The following YTHDC2 variants were observed in gnomAD, a reference collection of about 807,000 sequenced individuals.
YTHDC2 encodes 3'-5' RNA helicase YTHDC2.
YTHDC2 carries 45 observed loss-of-function variants against 174.9 expected under a neutral mutation model. The observed-to-expected ratio is 0.26, with a 90% CI of 0.20 to 0.33. YTHDC2 has a LOEUF of 0.33. Ranked by LOEUF, YTHDC2 falls within the 10% of genes least tolerant of loss-of-function variation. The probability of loss-of-function intolerance (pLI) is 1.00; values close to 1 mark genes in which losing one functional copy is unlikely to be tolerated. For synonymous variants in YTHDC2, 657 were observed against 574.5 expected, an observed-to-expected ratio of 1.14 and a Z score of -2.05; for missense variants, 1,650 against 1,723.7, an observed-to-expected ratio of 0.96 and a Z score of 0.76.
chr5:113,549,738 T>C (rs11747087), intron 12 of YTHDC2, among the ~76,000 whole-genome samples: 2,849 of 152,122 alleles, frequency 0.019, 39 homozygotes, highest in Non-Finnish European at 0.03. Flanking sequence ...TATTCTTTTT[T>C]TCTCCAGAAG....
intron 10 of YTHDC2, among the ~76,000 whole-genome samples, chr5:113,544,473 A>G (rs1427133167): frequency 6.6e-6 from 1 of 152,162 alleles, no homozygotes; most frequent in Non-Finnish European, 1.5e-5. Flanking sequence ...ACTTTTAAGC[A>G]TCTTTACCAC....
At chr5:113,567,524 T>G in intron 22 of YTHDC2, 130 bp from the exon 23 acceptor site, 1 of 786,014 alleles carries the variant, frequency 1.3e-6, no homozygotes, top group South Asian at 2.5e-5. Context: ...AGCGATGACT[T>G]GTTTTAATTT....
chr5:113,590,934 T>C (rs933447196), intron 26 of YTHDC2, 107 bp from the exon 27 acceptor site: 4 of 893,654 alleles, frequency 4.5e-6, no homozygotes, highest in African/African-American at 3.4e-5. Context: ...TTGTTGAATA[T>C]ATGATAAAAT....
At chr5:113,587,739 T>G (rs1424465213) in intron 26 of YTHDC2, among the ~76,000 whole-genome samples, 6 of 151,192 alleles carry the variant, frequency 4.0e-5, no homozygotes, top group Non-Finnish European at 7.4e-5. Context: ...TTTTGGCTGT[T>G]CCAGGTCCTT....
At chr5:113,574,036 A>G (rs986377733) in intron 23 of YTHDC2, among the ~76,000 whole-genome samples, 3 of 152,182 alleles carry the variant, frequency 2.0e-5, no homozygotes, top group South Asian at 2.1e-4. Flanking sequence ...GGAGGAGAAG[A>G]GGCACTCTGG....
intron 21 of YTHDC2, among the ~76,000 whole-genome samples, chr5:113,566,648 A>G (rs560094039): frequency 1.3e-5 from 2 of 152,278 alleles, no homozygotes; most frequent in African/African-American, 4.8e-5. Context: ...GGAAATATGA[A>G]GGACTTTTGA....
At chr5:113,588,298 G>A (rs1474715063) in intron 26 of YTHDC2, among the ~76,000 whole-genome samples, 1 of 151,944 alleles carries the variant, frequency 6.6e-6, no homozygotes, top group Non-Finnish European at 1.5e-5. Flanking sequence ...AGCATTTTTT[G>A]TCTGTTAGTA....
intron 18 of YTHDC2, among the ~76,000 whole-genome samples, chr5:113,561,475 T>TATATATATA (rs1561674985): frequency 5.9e-5 from 8 of 136,094 alleles, no homozygotes; most frequent in African/African-American, 2.3e-4. Context: ...CTATCTATAT[T>TATATATATA]TTTTTTTTTT....
chr5:113,563,821 T>G, intron 19 of YTHDC2, 38 bp from the exon 20 acceptor site: 1 of 1,607,760 alleles, frequency 6.2e-7, no homozygotes, highest in Non-Finnish European at 8.5e-7. Context: ...TTAAACAGTT[T>G]GCTCACATCA....
At chr5:113,562,286 G>T (rs1253226211) in intron 18 of YTHDC2, among the ~76,000 whole-genome samples, 1 of 143,216 alleles carries the variant, frequency 7.0e-6, no homozygotes, top group African/African-American at 2.6e-5. Context: ...GGGTGTGTGT[G>T]TGTGTTTTAA....
At chr5:113,569,818 C>G (rs1375433759) in intron 23 of YTHDC2, among the ~76,000 whole-genome samples, 1 of 152,082 alleles carries the variant, frequency 6.6e-6, no homozygotes, top group Non-Finnish European at 1.5e-5. Flanking sequence ...ATTGTCTTGG[C>G]TATATGGTCT....
At chr5:113,536,251 C>T (rs551190482) in intron 7 of YTHDC2, among the ~76,000 whole-genome samples, 2 of 152,288 alleles carry the variant, frequency 1.3e-5, no homozygotes, top group Middle Eastern at 3.4e-3. Context: ...TTAGGCCGGG[C>T]GTGGGGGCTC....
At chr5:113,593,415 T>C (rs1290493564) in intron 29 of YTHDC2, 25 bp downstream of exon 29, 4 of 1,534,542 alleles carry the variant, frequency 2.6e-6, no homozygotes, top group Non-Finnish European at 3.6e-6. Context: ...ACTTTGAGTA[T>C]TGGCAGTATT....
At chr5:113,555,785 T>C (rs553931926) in intron 16 of YTHDC2, among the ~76,000 whole-genome samples, 2 of 152,324 alleles carry the variant, frequency 1.3e-5, no homozygotes, top group African/African-American at 4.8e-5. Context: ...TATCCAGCTG[T>C]GGCAGAGAGC....
Position 113,561,194 on chromosome 5 carries a change from T to G in YTHDC2, c.2322+9T>G. 1.2e-6 allele frequency: 2 copies of G among 1,607,698 alleles called. No individual in the cohort carries two copies. Among genetic ancestry groups the G allele is most frequent in the Non-Finnish European group, 1.7e-6 (2 of 1,176,614 alleles). ...TGAGAATGCCATTACAGGTAAAAATTTATTTAAATATAAAAGGCATTTTTT... is the reference window on the plus strand; with the variant it reads ...TGAGAATGCCATTACAGGTAAAAATGTATTTAAATATAAAAGGCATTTTTT... On this transcript the variant is annotated intron_variant, in intron 18 of 29. Transcript: ENST00000161863.
intron 20 of YTHDC2, 109 bp from the exon 21 acceptor site, chr5:113,565,784 A>G: frequency 3.5e-6 from 4 of 1,139,702 alleles, no homozygotes; most frequent in Non-Finnish European, 4.8e-6. Flanking sequence ...AAATTAGAAT[A>G]AGGCAAATTC....
In YTHDC2 at chr5:113,522,035, G is replaced by T. The variant is rs577322314; in HGVS notation, c.279-2946G>T. Among the ~76,000 whole-genome samples, 41 of 151,822 alleles carry T rather than the reference G, an allele frequency of 2.7e-4. No individual in the cohort carries two copies. In the South Asian group the frequency reaches 8.1e-3, roughly 30 times the overall value. ...TACAGTATTGGGGAGAAAGTGGTTT[G>T]GAGCTAGATCTTTGCATCTGTCTGC... On this transcript the variant is annotated intron_variant, in intron 2 of 29. Coordinates refer to ENST00000161863, the MANE Select transcript of YTHDC2 (RefSeq NM_022828.5).
At chr5:113,585,790 A>C (rs1014614369) in intron 26 of YTHDC2, among the ~76,000 whole-genome samples, 23 of 151,664 alleles carry the variant, frequency 1.5e-4, no homozygotes, top group Non-Finnish European at 2.9e-4. Flanking sequence ...GATTCAGTGT[A>C]TCAACAATCT....
At chr5:113,591,585 A>G (rs1779008726) in intron 27 of YTHDC2, among the ~76,000 whole-genome samples, 1 of 152,148 alleles carries the variant, frequency 6.6e-6, no homozygotes, top group African/African-American at 2.4e-5. Flanking sequence ...GACAATCAGT[A>G]AACTAAGTAT....
Sources: allele counts gnomAD v4.1 joint callset (sites outside exome capture counted in the v4.1 genomes callset), GRCh38; gene constraint gnomAD v4.1.1; transcripts MANE v1.5; gene names NCBI Gene and HGNC (gene_info 2026-07-23, HGNC 2026-07-21).